Variants in GLDN observed in about 807,000 individuals in gnomAD.
The protein encoded by GLDN is gliomedin, also known as collomin.
A neutral mutation model predicts 56.5 loss-of-function variants in GLDN; 47 were observed. The ratio of observed to expected loss-of-function variants is 0.83; its 90% confidence interval spans 0.66 to 1.06. GLDN has a LOEUF of 1.06. GLDN is among the 50% of genes least tolerant of loss of function. The pLI is 0.00. For synonymous variants in GLDN, 332 were observed against 278.8 expected (o/e 1.19, Z -1.90); for missense variants, 782 against 714.3 (o/e 1.09, Z -1.08).
At position 51,341,719 on chromosome 15, in the gene GLDN, C is replaced by T; in HGVS notation, c.35C>T (p.Ala12Val). The stretch of plus-strand genomic sequence containing the variant: ...GGCGCTGAGGGAGGCCGTGGGGACG[C>T]GGGTTGGGGCCTGCGTGGCGCCCTG... ...ARGAEGGRGD[A>V]GWGLRGALAA... Residue 12 changes from alanine to valine, a missense_variant, in exon 1 of 10, where the codon GCG (alanine) becomes GTG (valine). Coordinates refer to ENST00000335449, the MANE Select transcript of GLDN (RefSeq NM_181789.4). 7.0e-7 allele frequency: 1 copy of T among 1,431,228 alleles called. No individual in the cohort carries two copies. Among genetic ancestry groups the T allele is most frequent in the Non-Finnish European group, 9.0e-7 (1 of 1,107,128 alleles). 88.7% of individuals were successfully genotyped at this position (1,431,228 alleles called of 1,614,324 possible). A position where few individuals can be genotyped will look rare whatever the true frequency, so the allele number is the denominator to read the frequency against.
chr15:51,393,243 ACT>A (rs1378657737), intron 4 of GLDN, among the ~76,000 whole-genome samples: 1 of 152,120 alleles, frequency 6.6e-6, no homozygotes, highest in East Asian at 1.9e-4. Context: ...CAAATTTTGG[ACT>A]CTCAGCAGGC....
Position 51,404,827 on chromosome 15 carries a change from G to C in GLDN, c.*73G>C, listed in dbSNP as rs2038341074. 1 of 773,682 alleles carries C rather than the reference G, an allele frequency of 1.3e-6. No individual in the cohort carries two copies. Among genetic ancestry groups the C allele is most frequent in the Non-Finnish European group, 2.2e-6 (1 of 460,624 alleles). The allele number at this position is 773,682 out of a possible 1,614,324, so 47.9% of individuals were successfully genotyped here. A position where few individuals can be genotyped will look rare whatever the true frequency, so the allele number is the denominator to read the frequency against. Reference sequence around the variant, plus strand: ...CCAGTTCTCCCCCAACAGGAAACTTGTTTTTTTAACGTCAGCCAGATATTT... The same window carrying C: ...CCAGTTCTCCCCCAACAGGAAACTTCTTTTTTTAACGTCAGCCAGATATTT... On this transcript the variant is annotated 3_prime_UTR_variant, in exon 10 of 10. Coordinates refer to ENST00000335449, the MANE Select transcript of GLDN (RefSeq NM_181789.4).
chr15:51,412,577 T>G (rs1595847905), downstream of GLDN, among the ~76,000 whole-genome samples: 1 of 152,326 alleles, frequency 6.6e-6, no homozygotes, highest in Admixed American at 6.5e-5. Context: ...CACTCCAGCT[T>G]TCTTTTGGTT....
At chr15:51,378,839 G>A (rs2037692906) in intron 2 of GLDN, among the ~76,000 whole-genome samples, 1 of 152,180 alleles carries the variant, frequency 6.6e-6, no homozygotes, top group South Asian at 2.1e-4. Flanking sequence ...GCAGGGTAGT[G>A]GGCAGCAAGG....
chr15:51,389,599 C>T lies in GLDN; in HGVS notation c.542-5236C>T, dbSNP rs548036228. Reference sequence around the variant, plus strand: ...GTGCAGCAGAACTAAGCATAAAGGACGAGAGAGAAGAGTGATCAGCACTTT... The same window carrying T: ...GTGCAGCAGAACTAAGCATAAAGGATGAGAGAGAAGAGTGATCAGCACTTT... On this transcript the variant is annotated intron_variant, in intron 4 of 9. Coordinates refer to ENST00000335449, the MANE Select transcript of GLDN (RefSeq NM_181789.4). Among the ~76,000 whole-genome samples, 9 of 152,116 alleles carry T rather than the reference C, an allele frequency of 5.9e-5. No individual in the cohort carries two copies. The South Asian group carries it at 1.7e-3, about 28-fold the overall frequency.
At chr15:51,390,529 T>G (rs1004263437) in intron 4 of GLDN, among the ~76,000 whole-genome samples, 2 of 152,230 alleles carry the variant, frequency 1.3e-5, no homozygotes, top group African/African-American at 4.8e-5. Flanking sequence ...CTGCAGTATC[T>G]TCTCTAAAAG....
chr15:51,358,347 G>A (rs943353114), intron 1 of GLDN, among the ~76,000 whole-genome samples: 2 of 152,138 alleles, frequency 1.3e-5, no homozygotes, highest in African/African-American at 2.4e-5. Context: ...ATCTTGCTGG[G>A]ACAGCTCCAA....
At chr15:51,412,393 T>C (rs1004165250), downstream of GLDN, among the ~76,000 whole-genome samples, 6 of 152,178 alleles carry the variant, frequency 3.9e-5, no homozygotes, top group Admixed American at 2.6e-4. Flanking sequence ...CTTTTCTGTT[T>C]TTTTGTCTTT....
chr15:51,380,090 A>G (rs894631873), intron 2 of GLDN, among the ~76,000 whole-genome samples: 1 of 152,170 alleles, frequency 6.6e-6, no homozygotes, highest in Non-Finnish European at 1.5e-5. Context: ...GGCAAGGAGT[A>G]CAGAGGACAC....
intron 4 of GLDN, among the ~76,000 whole-genome samples, chr15:51,388,071 A>C (rs2037939202): frequency 6.6e-6 from 1 of 152,170 alleles, no homozygotes; most frequent in South Asian, 2.1e-4. Flanking sequence ...CCCACTGCCC[A>C]GAATGCCCTC....
intron 9 of GLDN, among the ~76,000 whole-genome samples, chr15:51,403,004 A>T (rs1425691544): frequency 1.3e-5 from 2 of 152,096 alleles, no homozygotes; most frequent in Non-Finnish European, 2.9e-5. Flanking sequence ...CCCTGCTGCC[A>T]TGTTATATAG....
chr15:51,377,155 T>A (rs759960908), intron 1 of GLDN: 10 of 449,058 alleles, frequency 2.2e-5, no homozygotes, highest in Non-Finnish European at 4.0e-5. Context: ...GTAGGTTTGT[T>A]TATACCAGCA....
At chr15:51,374,262 T>C (rs1223319096) in intron 1 of GLDN, among the ~76,000 whole-genome samples, 1 of 152,366 alleles carries the variant, frequency 6.6e-6, no homozygotes, top group Non-Finnish European at 1.5e-5. Flanking sequence ...CCTTCTGCTG[T>C]GATCCCCCAG....
chr15:51,402,605 C>T (rs996002016), intron 9 of GLDN, among the ~76,000 whole-genome samples: 2 of 152,228 alleles, frequency 1.3e-5, no homozygotes, highest in African/African-American at 4.8e-5. Flanking sequence ...ATGCCACAGT[C>T]CTACTCATTC....
chr15:51,402,970 T>C (rs1383141174), intron 9 of GLDN, among the ~76,000 whole-genome samples: 1 of 152,220 alleles, frequency 6.6e-6, no homozygotes, highest in Non-Finnish European at 1.5e-5. Context: ...TTTCCTCCGA[T>C]GCTTCTCACT....
intron 1 of GLDN, among the ~76,000 whole-genome samples, chr15:51,357,875 A>G (rs1041784567): frequency 3.9e-5 from 6 of 152,152 alleles, no homozygotes; most frequent in African/African-American, 1.4e-4. Flanking sequence ...GTGAAAATCC[A>G]AAGACCCTTG....
At chr15:51,345,651 T>C (rs1449441743) in intron 1 of GLDN, among the ~76,000 whole-genome samples, 1 of 152,208 alleles carries the variant, frequency 6.6e-6, no homozygotes, top group Non-Finnish European at 1.5e-5. Context: ...AGCTTTCCAC[T>C]GAACTGTCAA....
intron 2 of GLDN, among the ~76,000 whole-genome samples, chr15:51,381,508 G>T (rs1474027135): frequency 2.0e-5 from 3 of 152,120 alleles, no homozygotes. Flanking sequence ...GAGTAGGACT[G>T]TTATGTATTG....
downstream of GLDN, among the ~76,000 whole-genome samples, chr15:51,410,323 T>C (rs1418298922): frequency 6.6e-6 from 1 of 152,216 alleles, no homozygotes; most frequent in Non-Finnish European, 1.5e-5. Context: ...CTGGAAGTGC[T>C]GTCAACATAT....
Sources: gnomAD v4.1 joint callset for allele counts (sites outside exome capture counted in the v4.1 genomes callset) on GRCh38, gnomAD v4.1.1 for gene constraint, MANE v1.5 for transcripts, NCBI Gene and HGNC (gene_info 2026-07-23, HGNC 2026-07-21) for gene names.